Variants in MFSD1 observed in about 807,000 individuals in gnomAD.
MFSD1 encodes major facilitator superfamily domain containing 1, also known as lysosomal dipeptide transporter MFSD1.
Under a neutral mutation model 67.1 loss-of-function variants are expected in MFSD1, and 59 were observed. The ratio of observed to expected loss-of-function variants is 0.88; its 90% CI spans 0.71 to 1.09. The LOEUF is 1.09. MFSD1 is among the 50% of genes least tolerant of loss of function. MFSD1 has a pLI of 0.00. For missense variants in MFSD1, 552 were observed against 566.1 expected (o/e 0.97, Z 0.25); for synonymous variants, 213 against 200.3 (o/e 1.06, Z -0.54).
intron 9 of MFSD1, among the ~76,000 whole-genome samples, chr3:158,821,143 C>T (rs1730647562): frequency 6.6e-6 from 1 of 152,170 alleles, no homozygotes; most frequent in Non-Finnish European, 1.5e-5. Context: ...CTACTTCTCT[C>T]TCCTTTTTCA....
At chr3:158,820,159 A>G in intron 8 of MFSD1, 56 bp from the exon 9 acceptor site, 1 of 886,418 alleles carries the variant, frequency 1.1e-6, no homozygotes, top group East Asian at 2.4e-5. Context: ...ACTATAGATG[A>G]AAGCTCCTTA....
rs1729610042 is a variant in MFSD1 at position 158,804,310 on chromosome 3, C to T, written c.164-9C>T. The T allele has an allele frequency of 6.2e-7, 1 of 1,602,638 alleles. No individual in the cohort carries two copies. Among genetic ancestry groups the T allele is most frequent in the South Asian group, 1.1e-5 (1 of 89,674 alleles). On this transcript the variant is annotated splice_polypyrimidine_tract_variant and intron_variant, in intron 1 of 15. Coordinates refer to ENST00000415822, the MANE Select transcript of MFSD1 (RefSeq NM_022736.4). ...TATTATTACTTATAAAGTATTTGCT[C>T]TTTTCTAGGCAGCTATTTTTGCTAT...
intron 3 of MFSD1, 127 bp downstream of exon 3, chr3:158,805,601 T>A (rs887134487): frequency 1.3e-5 from 10 of 784,924 alleles, no homozygotes; most frequent in Admixed American, 2.4e-5. Context: ...TTGAGTTTTT[T>A]AAAAAAATGA....
At chr3:158,804,438 T>C (rs1024987272) in intron 2 of MFSD1, 67 bp downstream of exon 2, 5 of 1,342,536 alleles carry the variant, frequency 3.7e-6, no homozygotes, top group Non-Finnish European at 5.3e-6. Flanking sequence ...GGAGGCATTA[T>C]CAACCCTCAG....
chr3:158,827,935 A>AGT (rs1731083145), intron 15 of MFSD1, among the ~76,000 whole-genome samples: 1 of 32,648 alleles, frequency 3.1e-5, no homozygotes, highest in Non-Finnish European at 6.8e-5. Flanking sequence ...AGAGAGAGAG[A>AGT]GAGAGAGGGG....
chr3:158,809,170 T>TTAA lies in MFSD1; in HGVS notation c.441-9_441-8insTAA. On this transcript the variant is annotated splice_polypyrimidine_tract_variant and intron_variant, in intron 5 of 15. Transcript: ENST00000415822. The stretch of plus-strand genomic sequence containing the variant: ...GACTTCTGGTTTTTTTTTTTTTTTC[T>TTAA]ATTTTTAGGATTGGTGGCGAGTCCT... The TTAA allele has an allele frequency of 6.7e-7, 1 of 1,492,724 alleles. No homozygotes were observed. The highest frequency in any genetic ancestry group is 9.0e-7 in the Non-Finnish European group (1 of 1,106,616). The allele number at this position is 1,492,724 out of a possible 1,614,324, so 92.5% of individuals were successfully genotyped here.
intron 4 of MFSD1, 74 bp from the exon 5 acceptor site, chr3:158,807,322 C>A: frequency 1.7e-6 from 2 of 1,187,238 alleles, no homozygotes; most frequent in Non-Finnish European, 2.5e-6. Context: ...TGAGATTTAT[C>A]ATGTTCCTTT....
chr3:158,805,278 C>A, intron 2 of MFSD1, 84 bp from the exon 3 acceptor site: 1 of 1,092,084 alleles, frequency 9.2e-7, no homozygotes, highest in Non-Finnish European at 1.4e-6. Flanking sequence ...TAACTACTTT[C>A]CACTTTAGAT....
At chr3:158,820,904 A>C (rs934210041) in intron 9 of MFSD1, among the ~76,000 whole-genome samples, 6 of 152,110 alleles carry the variant, frequency 3.9e-5, no homozygotes, top group African/African-American at 1.5e-4. Flanking sequence ...GGACACAGCC[A>C]AACCATGTCA....
At chr3:158,818,450 T>TTA (rs1730492908) in intron 7 of MFSD1, among the ~76,000 whole-genome samples, 3 of 152,118 alleles carry the variant, frequency 2.0e-5, no homozygotes, top group African/African-American at 7.2e-5. Context: ...ACACCAGAAT[T>TTA]TACTCCTCCT....
chr3:158,809,192 T>A lies in MFSD1; in HGVS notation c.454T>A (p.Ser152Thr). Reference protein sequence around the residue: ...GRFVFGIGGESLAVAQNTYAV... With the variant: ...GRFVFGIGGETLAVAQNTYAV... ...TTCTATTTTTAGGATTGGTGGCGAG[T>A]CCTTAGCAGTTGCCCAGAATACATA... Residue 152 changes from serine to threonine, a missense_variant, in exon 6 of 16, where the codon TCC (serine) becomes ACC (threonine). Coordinates refer to ENST00000415822, the MANE Select transcript of MFSD1 (RefSeq NM_022736.4). 6.4e-7 allele frequency: 1 copy of A among 1,571,956 alleles called. No homozygotes were observed. Among genetic ancestry groups the A allele is most frequent in the Non-Finnish European group, 8.6e-7 (1 of 1,163,984 alleles).
intron 9 of MFSD1, 46 bp from the exon 10 acceptor site, chr3:158,821,542 TGAAAACAGA>T: frequency 8.6e-7 from 1 of 1,159,138 alleles, no homozygotes; most frequent in Admixed American, 2.2e-5. Context: ...CTTTATTTTT[TGAAAACAGA>T]GTAGTTCTCT....
Position 158,820,269 on chromosome 3 carries a change from T to C in MFSD1, c.806T>C (p.Ile269Thr). Residue 269 changes from isoleucine (I) to threonine (T), a missense_variant, in exon 9 of 16, where the codon ATA becomes ACA. Transcript: ENST00000415822. ...GACTTCTCCTTACCCCTGTGGCTTA[T>C]ATTTATCATCTGTGTCTGCTATTAT... ...VKDFSLPLWLIFIICVCYYVA... is the reference protein window; with the variant it reads ...VKDFSLPLWLTFIICVCYYVA... The C allele has an allele frequency of 6.2e-7, 1 of 1,612,224 alleles. No individual in the cohort carries two copies. Among genetic ancestry groups the C allele is most frequent in the East Asian group, 2.2e-5 (1 of 44,764 alleles).
At chr3:158,816,412 G>A (rs1377718480) in intron 7 of MFSD1, among the ~76,000 whole-genome samples, 1 of 152,128 alleles carries the variant, frequency 6.6e-6, no homozygotes, top group Non-Finnish European at 1.5e-5. Context: ...CAGTGATGAT[G>A]AGCATTTTTT....
intron 2 of MFSD1, 85 bp from the exon 3 acceptor site, chr3:158,805,277 T>G: frequency 9.2e-7 from 1 of 1,089,854 alleles, no homozygotes; most frequent in Non-Finnish European, 1.4e-6. Flanking sequence ...GTAACTACTT[T>G]CCACTTTAGA....
intron 8 of MFSD1, 66 bp downstream of exon 8, chr3:158,819,813 C>T (rs956609596): frequency 3.5e-6 from 3 of 852,528 alleles, no homozygotes; most frequent in South Asian, 1.7e-5. Flanking sequence ...ATAATGAGAT[C>T]TAAGTTCCTA....
intron 3 of MFSD1, among the ~76,000 whole-genome samples, chr3:158,806,487 A>C (rs1729735143): frequency 6.6e-6 from 1 of 152,092 alleles, no homozygotes; most frequent in African/African-American, 2.4e-5. Flanking sequence ...GCCTTTAAGG[A>C]CTCTTCTAAT....
chr3:158,809,329 A>G, intron 6 of MFSD1, 42 bp downstream of exon 6: 1 of 1,259,332 alleles, frequency 7.9e-7, no homozygotes, highest in Non-Finnish European at 1.1e-6. Flanking sequence ...ATGGAAGCAA[A>G]AGATTAAATC....
chr3:158,813,071 G>A (rs1379618078), intron 6 of MFSD1, among the ~76,000 whole-genome samples: 2 of 149,242 alleles, frequency 1.3e-5, no homozygotes, highest in African/African-American at 4.9e-5. Context: ...TTTTTTAAAA[G>A]TACTTGTCAA....
Sources: gnomAD v4.1 joint callset for allele counts (sites outside exome capture counted in the v4.1 genomes callset) on GRCh38, gnomAD v4.1.1 for gene constraint, MANE v1.5 for transcripts, NCBI Gene and HGNC (gene_info 2026-07-23, HGNC 2026-07-21) for gene names.